NLRP2: variants seen among roughly 807,000 people sequenced by gnomAD.
The protein encoded by NLRP2 is NACHT, LRR and PYD domains-containing protein 2.
NLRP2 carries 107 observed loss-of-function variants against 97.2 expected under a neutral mutation model. The observed-to-expected ratio is 1.10, with a 90% CI of 0.94 to 1.29. NLRP2 has a LOEUF of 1.29. Among genes scored for constraint, NLRP2 ranks in the 50% most tolerant of loss-of-function variants. The probability of loss-of-function intolerance (pLI) is 0.00; values close to 1 mark genes in which losing one functional copy is unlikely to be tolerated. For synonymous variants in NLRP2, 663 were observed against 551.5 expected (o/e 1.20, Z -2.83); for missense variants, 1,495 against 1,330.3 (o/e 1.12, Z -1.93).
rs559755511 is a variant in NLRP2 at position 54,967,653 on chromosome 19, A to AT, written c.-18+1186_-18+1187insT. On this transcript the variant is annotated intron_variant, in intron 1 of 12. Transcript: ENST00000448584. The stretch of plus-strand genomic sequence containing the variant: ...AGCTATAGAGAGCTCCAAAAAAAAA[A>AT]ATATATTGGAACAGGTCAGATGCTG... 4.0e-3 allele frequency among the ~76,000 whole-genome samples: 606 copies of AT among 152,028 alleles called. 6 individuals carry two copies. The highest frequency in any genetic ancestry group is 0.014 in the African/African-American group (578 of 41,478).
At chr19:54,984,483 A>ATTTTTTTTTTTTTTTTTTTTTTTT (rs1568505832) in intron 6 of NLRP2, among the ~76,000 whole-genome samples, 1 of 46,188 alleles carries the variant, frequency 2.2e-5, no homozygotes, top group African/African-American at 1.9e-4. Flanking sequence ...TATATTCCCA[A>ATTTTTTTTTTTTTTTTTTTTTTTT]TCTTTTTTTT....
intron 3 of NLRP2, among the ~76,000 whole-genome samples, chr19:54,974,957 G>T (rs951713073): frequency 1.3e-5 from 2 of 151,688 alleles, no homozygotes; most frequent in African/African-American, 4.8e-5. Flanking sequence ...CTGCCACCAG[G>T]CCCGGCTAAT....
Position 54,992,844 on chromosome 19 carries a change from C to G in NLRP2, c.2709-1425C>G, listed in dbSNP as rs904375858. Among the ~76,000 whole-genome samples, 180 of 152,118 alleles carry G rather than the reference C, an allele frequency of 1.2e-3. 2 individuals carry two copies. Among genetic ancestry groups the G allele is most frequent in the African/African-American group, 4.2e-3 (173 of 41,520 alleles). On this transcript the variant is annotated intron_variant, in intron 10 of 12. Transcript: ENST00000448584. The stretch of plus-strand genomic sequence containing the variant: ...AAAGTGCTGGGATTACAGGTGTGAG[C>G]CACCGTGCCGGCCCCCTCAATTCAA...
intron 1 of NLRP2, among the ~76,000 whole-genome samples, chr19:54,968,226 T>G (rs575204779): frequency 7.7e-6 from 1 of 130,616 alleles, no homozygotes; most frequent in Non-Finnish European, 1.7e-5. Context: ...CCCTGTTGTT[T>G]TTAAAATAGA....
At chr19:54,994,516 G>A (rs2072697510) in intron 11 of NLRP2, 77 bp downstream of exon 11, 3 of 1,479,014 alleles carry the variant, frequency 2.0e-6, no homozygotes, top group South Asian at 2.3e-5. Flanking sequence ...AATCAGTGAA[G>A]CCGACTTCCC....
chr19:54,975,264 G>T (rs966384429), intron 3 of NLRP2, among the ~76,000 whole-genome samples: 1 of 148,862 alleles, frequency 6.7e-6, no homozygotes, highest in South Asian at 2.2e-4. Flanking sequence ...GGGACCACAG[G>T]CACTTGCCAC....
At chr19:54,972,949 G>C (rs2070959957) in intron 2 of NLRP2, among the ~76,000 whole-genome samples, 1 of 152,108 alleles carries the variant, frequency 6.6e-6, no homozygotes, top group Non-Finnish European at 1.5e-5. Context: ...AGCACTTTGG[G>C]AGGCCAAGGC....
rs1299455388 is a variant in NLRP2, at chr19:54,966,463, G to A, written c.-22G>A. The A allele has an allele frequency of 1.3e-5, 2 of 152,134 alleles. No individual in the cohort carries two copies. Among genetic ancestry groups the A allele is most frequent in the Admixed American group, 1.3e-4 (2 of 15,242 alleles). 9.4% of individuals were successfully genotyped at this position (152,134 alleles called of 1,614,324 possible). Reference sequence around the variant, plus strand: ...CCGCCGGCGAGTAGGGCCAGGTGTTGGGAGGTGAGTAGCTCTCCGGCAGCT... The same window carrying A: ...CCGCCGGCGAGTAGGGCCAGGTGTTAGGAGGTGAGTAGCTCTCCGGCAGCT... On this transcript the variant is annotated 5_prime_UTR_variant, in exon 1 of 13. Coordinates refer to ENST00000448584, the MANE Select transcript of NLRP2 (RefSeq NM_017852.5).
chr19:54,985,519 A>T (rs2146463882), intron 7 of NLRP2, among the ~76,000 whole-genome samples: 1 of 151,776 alleles, frequency 6.6e-6, no homozygotes, highest in South Asian at 2.1e-4. Context: ...CTCTACTAAA[A>T]ATACAAAAAT....
At chr19:54,999,041 C>CGGGGCCGCTGGCCGGGCGGGGGGCTG (rs1305371061) in intron 12 of NLRP2, among the ~76,000 whole-genome samples, 1 of 147,730 alleles carries the variant, frequency 6.8e-6, no homozygotes, top group Non-Finnish European at 1.5e-5. Flanking sequence ...CCCTCCCGGA[C>CGGGGCCGCTGGCCGGGCGGGGGGCTG]AGGGCGGCTG....
intron 8 of NLRP2, among the ~76,000 whole-genome samples, chr19:54,987,268 C>T (rs1326581572): frequency 6.6e-6 from 1 of 152,048 alleles, no homozygotes; most frequent in East Asian, 1.9e-4. Context: ...TTCAGAATAC[C>T]AGCTATTGAC....
At chr19:54,970,904 C>CTGG (rs1439897436) in intron 2 of NLRP2, among the ~76,000 whole-genome samples, 1 of 143,612 alleles carries the variant, frequency 7.0e-6, no homozygotes, top group African/African-American at 2.6e-5. Context: ...ATGTGCCATG[C>CTGG]TGGTGCGCTG....
intron 12 of NLRP2, among the ~76,000 whole-genome samples, chr19:54,998,077 G>A (rs926986869): frequency 1.4e-5 from 2 of 143,954 alleles, no homozygotes; most frequent in African/African-American, 5.1e-5. Context: ...CCCAGGCTGG[G>A]GTGCAGTGGT....
chr19:54,966,884 C>T (rs1602277415), intron 1 of NLRP2, among the ~76,000 whole-genome samples: 1 of 138,362 alleles, frequency 7.2e-6, no homozygotes, highest in Admixed American at 7.8e-5. Flanking sequence ...CTCTGTTTCC[C>T]AGGCTGGAGC....
intron 2 of NLRP2, among the ~76,000 whole-genome samples, chr19:54,972,084 T>C (rs924584468): frequency 1.3e-5 from 2 of 151,366 alleles, no homozygotes; most frequent in Admixed American, 1.3e-4. Context: ...CCTCATGATC[T>C]GCCCGCCTCG....
chr19:55,000,004 T>G (rs1029514840), intron 12 of NLRP2, among the ~76,000 whole-genome samples: 4 of 152,208 alleles, frequency 2.6e-5, no homozygotes, highest in Non-Finnish European at 5.9e-5. Flanking sequence ...CCCAAAGTGC[T>G]GGCATTACAG....
At chr19:54,988,490 G>T (rs1258655312) in intron 8 of NLRP2, among the ~76,000 whole-genome samples, 1 of 151,946 alleles carries the variant, frequency 6.6e-6, no homozygotes, top group African/African-American at 2.4e-5. Flanking sequence ...TAGAGACAGG[G>T]TTACGCCATG....
chr19:54,980,698 T>C (rs539060017), intron 4 of NLRP2, among the ~76,000 whole-genome samples: 1 of 152,336 alleles, frequency 6.6e-6, no homozygotes, highest in South Asian at 2.1e-4. Flanking sequence ...CTTGCGGTCT[T>C]CTTTCAGCAG....
intron 2 of NLRP2, among the ~76,000 whole-genome samples, chr19:54,972,325 AG>A (rs1236493046): frequency 1.3e-5 from 2 of 151,830 alleles, no homozygotes; most frequent in African/African-American, 4.8e-5. Flanking sequence ...AGGATTATAC[AG>A]GCACCTGCCA....
Sources: gnomAD v4.1 joint callset for allele counts (sites outside exome capture counted in the v4.1 genomes callset) on GRCh38, gnomAD v4.1.1 for gene constraint, MANE v1.5 for transcripts, NCBI Gene and HGNC (gene_info 2026-07-23, HGNC 2026-07-21) for gene names.